The following ITGB4 variants were observed in gnomAD, a reference collection of about 807,000 sequenced individuals.
ITGB4 encodes the protein integrin beta-4.
Under a neutral mutation model 207.6 loss-of-function variants are expected in ITGB4, and 159 were observed. That is an observed-to-expected ratio of 0.77 (90% CI 0.67 to 0.87). The LOEUF is 0.87. ITGB4 is among the 40% of genes least tolerant of loss of function. The pLI is 0.00. For missense variants in ITGB4, 2,278 were observed against 2,546.8 expected (o/e 0.89, Z 2.27); for synonymous variants, 1,020 against 1,062.7 (o/e 0.96, Z 0.78).
rs1200197652 is a variant in ITGB4 at position 75,756,636 on chromosome 17, C to T, written c.4897+19C>T. The T allele has an allele frequency of 3.1e-6, 5 of 1,612,670 alleles. No homozygotes were observed. In the Admixed American group the frequency reaches 5.0e-5, roughly 16 times the overall value. On this transcript the variant is annotated intron_variant, in intron 36 of 39. Coordinates refer to ENST00000200181, the MANE Select transcript of ITGB4 (RefSeq NM_000213.5). ...CTGCCAGGTGAGTTGCCTCCCCCAGCCCCAGAGCTGCCCCCATCATGCCCA... is the reference window on the plus strand; with the variant it reads ...CTGCCAGGTGAGTTGCCTCCCCCAGTCCCAGAGCTGCCCCCATCATGCCCA...
At position 75,748,530 on chromosome 17, in the gene ITGB4, C is replaced by T. The variant is rs184689835; in HGVS notation, c.3112-311C>T. On this transcript the variant is annotated intron_variant, in intron 26 of 39. Transcript: ENST00000200181. Reference sequence around the variant, plus strand: ...ACTAAAAATACAAAAATTAGCTAGGCGTGGTGGCAGGTGCCTGTAATCCCA... The same window carrying T: ...ACTAAAAATACAAAAATTAGCTAGGTGTGGTGGCAGGTGCCTGTAATCCCA... 1.2e-3 allele frequency among the ~76,000 whole-genome samples: 174 copies of T among 151,156 alleles called. 2 individuals are homozygous for T. The Middle Eastern group carries it at 0.021, about 18-fold the overall frequency.
rs1458293543 is a variant in ITGB4 at position 75,722,305 on chromosome 17, G to T, written c.-11+693G>T. Among the ~76,000 whole-genome samples, 1 of 152,198 alleles carries T rather than the reference G, an allele frequency of 6.6e-6. No individual in the cohort carries two copies. The highest frequency in any genetic ancestry group is 1.5e-5 in the Non-Finnish European group (1 of 68,028). On this transcript the variant is annotated intron_variant, in intron 1 of 39. Coordinates refer to ENST00000200181, the MANE Select transcript of ITGB4 (RefSeq NM_000213.5). This position sits in a 1 kb window ranked among gnomAD's most constrained non-coding sequence, Gnocchi z 6.2. ...TCTTTCCCATGGCTCAGCCTCTGGG[G>T]TGGCCCTCTGGCTGGGACTGGGGCT...
rs774110151 is a variant in ITGB4 at position 75,730,490 on chromosome 17, T to C, written c.988T>C (p.Tyr330His). The change falls in exon 8 of 40, where the codon TAT becomes CAT. Residue 330 changes from tyrosine to histidine, a missense_variant. By Grantham distance (83) the Tyr-to-His change is moderately conservative. Coordinates refer to ENST00000200181, the MANE Select transcript of ITGB4 (RefSeq NM_000213.5). ...IPIFAVTNYS[Y>H]SYYEKLHTYF... is the part of the protein sequence containing the mutation. ...CATCTTTGCTGTCACCAACTACTCC[T>C]ATAGCTACTACGAGGTGCGGGGCCC... The C allele has an allele frequency of 1.9e-6, 3 of 1,613,752 alleles. No homozygotes were observed. The South Asian group carries it at 3.3e-5, about 18-fold the overall frequency.
At chr17:75,724,979 G>A (rs190887857) in intron 2 of ITGB4, among the ~76,000 whole-genome samples, 197 bp downstream of exon 2, 1 of 152,232 alleles carries the variant, frequency 6.6e-6, no homozygotes, top group Non-Finnish European at 1.5e-5. Context: ...TGACCACGGG[G>A]CCTGAGAATA....
At position 75,722,757 on chromosome 17, in the gene ITGB4, C is replaced by CTGTGTGTG. The variant is rs55981241; in HGVS notation, c.-11+1173_-11+1180dup. Among the ~76,000 whole-genome samples, 3,861 of 135,088 alleles carry CTGTGTGTG rather than the reference C, an allele frequency of 0.029. 74 individuals are homozygous for CTGTGTGTG. The highest frequency in any genetic ancestry group is 0.048 in the South Asian group (182 of 3,814). 88.6% of individuals were successfully genotyped at this position (135,088 alleles called of 152,430 possible). On this transcript the variant is annotated intron_variant, in intron 1 of 39. Coordinates refer to ENST00000200181, the MANE Select transcript of ITGB4 (RefSeq NM_000213.5). This position sits in a 1 kb window ranked among gnomAD's most constrained non-coding sequence, Gnocchi z 6.2. ...GAGCCTGTGGGTGGGTGGGCATGGC[C>CTGTGTGTG]TGTGTGTGTGTGTGTGTGTGTGTGT...
chr17:75,754,490 G>T, intron 33 of ITGB4, 86 bp from the exon 34 acceptor site: 1 of 1,566,258 alleles, frequency 6.4e-7, no homozygotes, highest in South Asian at 1.1e-5. Flanking sequence ...GAGGGTGGGT[G>T]ACCAGGAATG....
rs1448324440 is a variant in ITGB4, at chr17:75,750,951, T to A, written c.3656-23T>A. On this transcript the variant is annotated intron_variant, in intron 29 of 39. Coordinates refer to ENST00000200181, the MANE Select transcript of ITGB4 (RefSeq NM_000213.5). This position sits in a 1 kb window ranked among gnomAD's most constrained non-coding sequence, Gnocchi z 5.5. ...CCTCCCTCTGCCACTGACAGCACTCTTCCTGTATTCCCCGCTCCCTAGTGC... is the reference window on the plus strand; with the variant it reads ...CCTCCCTCTGCCACTGACAGCACTCATCCTGTATTCCCCGCTCCCTAGTGC... 3.7e-6 allele frequency: 6 copies of A among 1,613,466 alleles called. No individual in the cohort carries two copies. The highest frequency in any genetic ancestry group is 5.1e-6 in the Non-Finnish European group (6 of 1,180,028).
rs1424911628 is a variant in ITGB4 at position 75,731,025 on chromosome 17, G to A, written c.1092+61G>A. ...CTGGGGCAGGGCAGGAAGTGGGCAG[G>A]GTGGGCAAGAGGTGTCTTGGATCAC... On this transcript the variant is annotated intron_variant, in intron 9 of 39. Transcript: ENST00000200181. The surrounding 1 kb of genome is among the most constrained non-coding windows in gnomAD (Gnocchi z 6.8). The A allele has an allele frequency of 1.3e-6, 2 of 1,513,756 alleles. No individual in the cohort carries two copies. Among genetic ancestry groups the A allele is most frequent in the Non-Finnish European group, 1.8e-6 (2 of 1,090,680 alleles). 93.8% of individuals were successfully genotyped at this position (1,513,756 alleles called of 1,614,324 possible). A position where few individuals can be genotyped will look rare whatever the true frequency, so the allele number is the denominator to read the frequency against.
chr17:75,730,180 G>C (rs758014911), intron 7 of ITGB4, 61 bp from the exon 8 acceptor site: 2 of 1,606,368 alleles, frequency 1.2e-6, no homozygotes, highest in Non-Finnish European at 1.7e-6. Context: ...CCTACACGAC[G>C]CCGTGATGCG....
intron 23 of ITGB4, among the ~76,000 whole-genome samples, chr17:75,741,762 C>T (rs1971907): frequency 0.47 from 70,827 of 151,056 alleles, 18,654 homozygotes; most frequent in Non-Finnish European, 0.59. Context: ...GCCGAGATTG[C>T]GCCACTGCAC....
intron 1 of ITGB4, among the ~76,000 whole-genome samples, chr17:75,723,234 G>A (rs1289642893): frequency 6.6e-6 from 1 of 152,206 alleles, no homozygotes; most frequent in Non-Finnish European, 1.5e-5. Context: ...GAAACGGGCA[G>A]AATGAAATCA....
rs1336912295 is a variant in ITGB4 at position 75,731,494 on chromosome 17, G to T, written c.1215+126G>T. On this transcript the variant is annotated intron_variant, in intron 10 of 39. Coordinates refer to ENST00000200181, the MANE Select transcript of ITGB4 (RefSeq NM_000213.5). This position sits in a 1 kb window ranked among gnomAD's most constrained non-coding sequence, Gnocchi z 6.8. ...GGCAGGCCTGGGTGCAGATCCCTGG[G>T]CCTAGCCGCTCGGATGAGCCTAGGT... The T allele has an allele frequency of 1.6e-5, 16 of 1,023,758 alleles. No individual in the cohort carries two copies. The highest frequency in any genetic ancestry group is 2.0e-5 in the Non-Finnish European group (14 of 699,404). The allele number at this position is 1,023,758 out of a possible 1,614,324, so 63.4% of individuals were successfully genotyped here.
chr17:75,733,717 G>T, intron 13 of ITGB4, 25 bp downstream of exon 13: 5 of 1,610,170 alleles, frequency 3.1e-6, no homozygotes, highest in Non-Finnish European at 3.4e-6. Context: ...TGCGGCCAAT[G>T]CTGATGGCGG....
At position 75,722,757 on chromosome 17, in the gene ITGB4, C is replaced by CTGTA. The variant is rs1555729275; in HGVS notation, c.-11+1148_-11+1149insATGT. Among the ~76,000 whole-genome samples the CTGTA allele has an allele frequency of 7.4e-6, 1 of 135,062 alleles. No individual in the cohort carries two copies. The highest frequency in any genetic ancestry group is 2.8e-5 in the African/African-American group (1 of 35,798). The allele number at this position is 135,062 out of a possible 152,430, so 88.6% of individuals were successfully genotyped here. On this transcript the variant is annotated intron_variant, in intron 1 of 39. Transcript: ENST00000200181. The surrounding 1 kb of genome is among the most constrained non-coding windows in gnomAD (Gnocchi z 6.2). The stretch of plus-strand genomic sequence containing the variant: ...GAGCCTGTGGGTGGGTGGGCATGGC[C>CTGTA]TGTGTGTGTGTGTGTGTGTGTGTGT...
At chr17:75,748,375 C>G (rs1262143316) in intron 26 of ITGB4, among the ~76,000 whole-genome samples, 1 of 144,364 alleles carries the variant, frequency 6.9e-6, no homozygotes, top group African/African-American at 2.6e-5. Flanking sequence ...AACAAACAAA[C>G]AAACAGAAAC....
In ITGB4 at chr17:75,751,003, A is replaced by G. The variant is rs767095358; in HGVS notation, c.3685A>G (p.Asn1229Asp). 8.2e-5 allele frequency: 132 copies of G among 1,613,764 alleles called. No homozygotes were observed. The East Asian group carries it at 2.9e-3, about 35-fold the overall frequency. The change falls in exon 30 of 40, where the codon AAT becomes GAT. Residue 1229 changes from asparagine to aspartate, a missense_variant. Asn to Asp is a conservative substitution (Grantham distance 23). Transcript: ENST00000200181. ...VPSEPGRLAF[N>D]VVSSTVTQLS... The stretch of plus-strand genomic sequence containing the variant: ...CAGCGAGCCAGGGCGTCTGGCCTTC[A>G]ATGTCGTCTCCTCCACGGTGACCCA...
At chr17:75,749,248 C>T (rs1027418432) in intron 27 of ITGB4, among the ~76,000 whole-genome samples, 1 of 151,900 alleles carries the variant, frequency 6.6e-6, no homozygotes, top group Middle Eastern at 3.4e-3. Flanking sequence ...GCAAAATGGG[C>T]TGGGTATACT....
chr17:75,741,046 G>C (rs1268591101), intron 23 of ITGB4, 41 bp downstream of exon 23: 3 of 1,599,394 alleles, frequency 1.9e-6, no homozygotes, highest in Non-Finnish European at 1.7e-6. Flanking sequence ...CCCACTTCCT[G>C]CCCGCCTGTC....
At position 75,739,682 on chromosome 17, in the gene ITGB4, C is replaced by G; in HGVS notation, c.2231C>G (p.Ala744Gly). 2 of 1,614,148 alleles carry G rather than the reference C, an allele frequency of 1.2e-6. No individual in the cohort carries two copies. The highest frequency in any genetic ancestry group is 1.7e-6 in the Non-Finnish European group (2 of 1,180,022). Residue 744 changes from alanine to glycine, a missense_variant, in exon 19 of 40, where the codon GCA becomes GGA. Transcript: ENST00000200181. This position sits in a 1 kb window ranked among gnomAD's most constrained non-coding sequence, Gnocchi z 5.4. ...CACCTTGTCTCCTAGGCCTGCCTGG[C>G]ACTTCTCCCGTGCTGCAACCGAGGT... ...KYCACCKACL[A>G]LLPCCNRGHM...
Sources: allele counts gnomAD v4.1 joint callset (sites outside exome capture counted in the v4.1 genomes callset), GRCh38; gene constraint gnomAD v4.1.1; non-coding constraint Gnocchi (gnomAD v3.1); transcripts MANE v1.5; gene names NCBI Gene and HGNC (gene_info 2026-07-23, HGNC 2026-07-21).